GALNT10: variants seen among roughly 807,000 people sequenced by gnomAD.
GALNT10 encodes the protein GalNAc transferase 10.
GALNT10 carries 41 observed loss-of-function variants against 75.0 expected under a neutral mutation model. The observed-to-expected ratio is 0.55, with a 90% CI of 0.43 to 0.71. GALNT10 has a LOEUF of 0.71. Among genes scored for constraint, GALNT10 ranks in the 30% least tolerant of loss-of-function variants. The pLI is 0.00. For synonymous variants in GALNT10, 302 were observed against 313.0 expected, an observed-to-expected ratio of 0.96 and a Z score of 0.37; for missense variants, 727 against 818.5, an observed-to-expected ratio of 0.89 and a Z score of 1.36.
chr5:154,298,090 C>T lies in GALNT10; in HGVS notation c.401+11C>T, dbSNP rs555089718. ...TATCCGGCACCCAAAGTGAGTGTAA[C>T]ATCTCTCAAATTCTGAGATCTAAGG... On this transcript the variant is annotated intron_variant, in intron 3 of 11. Coordinates refer to ENST00000297107, the MANE Select transcript of GALNT10 (RefSeq NM_198321.4). The surrounding 1 kb of genome is among the most constrained non-coding windows in gnomAD (Gnocchi z 4.1). 8 of 1,609,632 alleles carry T rather than the reference C, an allele frequency of 5.0e-6. No individual in the cohort carries two copies. In the African/African-American group the frequency reaches 6.7e-5, roughly 13 times the overall value.
chr5:154,416,994 G>GC lies in GALNT10; in HGVS notation c.*28dup, dbSNP rs753573173. 32 of 1,609,824 alleles carry GC rather than the reference G, an allele frequency of 2.0e-5. No homozygotes were observed. In the African/African-American group the frequency reaches 2.3e-4, roughly 11 times the overall value. Reference sequence around the variant, plus strand: ...CTGAGCCCTCATGTCCCCTTGGCAGGCCCCCCAGGGTCTGGCACTCACTGC... The same window carrying GC: ...CTGAGCCCTCATGTCCCCTTGGCAGGCCCCCCCAGGGTCTGGCACTCACTGC... On this transcript the variant is annotated 3_prime_UTR_variant, in exon 12 of 12. Coordinates refer to ENST00000297107, the MANE Select transcript of GALNT10 (RefSeq NM_198321.4). This position sits in a 1 kb window ranked among gnomAD's most constrained non-coding sequence, Gnocchi z 4.5.
chr5:154,195,997 A>G (rs964667262), intron 1 of GALNT10, among the ~76,000 whole-genome samples: 2 of 151,944 alleles, frequency 1.3e-5, no homozygotes, highest in African/African-American at 2.4e-5. Flanking sequence ...ATCTCGGCCC[A>G]TCGCAACCTC....
chr5:154,373,190 G>A (rs1755601372), intron 4 of GALNT10, among the ~76,000 whole-genome samples: 1 of 152,166 alleles, frequency 6.6e-6, no homozygotes, highest in East Asian at 1.9e-4. Flanking sequence ...AGGCACTTTG[G>A]TGAAGGCAGG....
At position 154,376,827 on chromosome 5, in the gene GALNT10, A is replaced by G. The variant is rs1364721157; in HGVS notation, c.754+365A>G. 6.6e-6 allele frequency among the ~76,000 whole-genome samples: 1 copy of G among 152,170 alleles called. No individual in the cohort carries two copies. The highest frequency in any genetic ancestry group is 1.5e-5 in the Non-Finnish European group (1 of 68,028). On this transcript the variant is annotated intron_variant, in intron 5 of 11. Coordinates refer to ENST00000297107, the MANE Select transcript of GALNT10 (RefSeq NM_198321.4). This position sits in a 1 kb window ranked among gnomAD's most constrained non-coding sequence, Gnocchi z 4.1. The stretch of plus-strand genomic sequence containing the variant: ...AACTGTGGGGGACATCATCATATCA[A>G]CTTAGAAGAGTTACCATAGACTGTG...
At chr5:154,226,678 T>C (rs997800577) in intron 1 of GALNT10, among the ~76,000 whole-genome samples, 2 of 152,244 alleles carry the variant, frequency 1.3e-5, no homozygotes, top group Non-Finnish European at 2.9e-5. Flanking sequence ...TTTACTGCCA[T>C]ATAAATGACA....
Position 154,264,334 on chromosome 5 carries a change from A to ATTTGGGG in GALNT10, c.160-30481_160-30475dup, listed in dbSNP as rs144904125. On this transcript the variant is annotated intron_variant, in intron 1 of 11. Coordinates refer to ENST00000297107, the MANE Select transcript of GALNT10 (RefSeq NM_198321.4). ...TCTCCAAAAAAAAAAAAAAAAAGTG[A>ATTTGGGG]TTTGGGGGACAATGGGAAACCTGAA... 7.0e-4 allele frequency among the ~76,000 whole-genome samples: 101 copies of ATTTGGGG among 144,422 alleles called. 2 individuals carry two copies. In the East Asian group the frequency reaches 0.017, roughly 25 times the overall value. The allele number at this position is 144,422 out of a possible 152,430, so 94.7% of individuals were successfully genotyped here. A position where few individuals can be genotyped will look rare whatever the true frequency, so the allele number is the denominator to read the frequency against.
At chr5:154,405,606 T>C (rs146918156) in intron 8 of GALNT10, among the ~76,000 whole-genome samples, 3 of 152,178 alleles carry the variant, frequency 2.0e-5, no homozygotes, top group African/African-American at 7.2e-5. Context: ...CAAGGGACCA[T>C]GGGGACACTC....
At chr5:154,235,014 T>C (rs934799870) in intron 1 of GALNT10, among the ~76,000 whole-genome samples, 31 of 152,064 alleles carry the variant, frequency 2.0e-4, no homozygotes, top group African/African-American at 7.2e-4. Context: ...AGTCAGAAAA[T>C]AGAGGAAACA....
intron 1 of GALNT10, among the ~76,000 whole-genome samples, chr5:154,258,215 G>A (rs1753645215): frequency 6.6e-6 from 1 of 152,074 alleles, no homozygotes; most frequent in Admixed American, 6.6e-5. Context: ...CTATGTCCAT[G>A]AGCCTTTAGA....
intron 1 of GALNT10, among the ~76,000 whole-genome samples, chr5:154,219,838 T>TCACACACACACA (rs553301418): frequency 8.0e-6 from 1 of 125,556 alleles, no homozygotes; most frequent in East Asian, 2.5e-4. Flanking sequence ...TCTCTCTCTC[T>TCACACACACACA]CACACACACA....
rs371886278 is a variant in GALNT10, at chr5:154,278,059, A to G, written c.160-16757A>G. Among the ~76,000 whole-genome samples, 9 of 152,382 alleles carry G rather than the reference A, an allele frequency of 5.9e-5. No homozygotes were observed. The East Asian group carries it at 9.6e-4, about 16-fold the overall frequency. ...GGATGAATGGATGAATGAGTGGACC[A>G]GATGGGTGACGGATGCTTCAGAAAT... On this transcript the variant is annotated intron_variant, in intron 1 of 11. Transcript: ENST00000297107.
chr5:154,256,776 T>C (rs1753621595), intron 1 of GALNT10, among the ~76,000 whole-genome samples: 1 of 152,158 alleles, frequency 6.6e-6, no homozygotes, highest in Non-Finnish European at 1.5e-5. Flanking sequence ...AGTCCTTCTA[T>C]ACAGGCTTCA....
intron 3 of GALNT10, among the ~76,000 whole-genome samples, chr5:154,299,543 T>C (rs1266525881): frequency 6.6e-6 from 1 of 152,232 alleles, no homozygotes; most frequent in Non-Finnish European, 1.5e-5. Flanking sequence ...TTTCCACCTA[T>C]AAGATCTCAA....
chr5:154,323,919 A>G lies in GALNT10; in HGVS notation c.402-5653A>G, dbSNP rs562296589. 1.3e-4 allele frequency among the ~76,000 whole-genome samples: 20 copies of G among 152,156 alleles called. 1 individual carries two copies. Among genetic ancestry groups the G allele is most frequent in the Non-Finnish European group, 2.6e-4 (18 of 68,032 alleles). On this transcript the variant is annotated intron_variant, in intron 3 of 11. Coordinates refer to ENST00000297107, the MANE Select transcript of GALNT10 (RefSeq NM_198321.4). ...CTGGGAATTCCACCTTCTCCTGGCC[A>G]CCGCCTCTGCCTTGAGCCTCAGCAC... is the stretch of plus-strand genomic sequence containing the variant.
intron 1 of GALNT10, among the ~76,000 whole-genome samples, chr5:154,225,098 G>T (rs535144022): frequency 6.7e-6 from 1 of 148,548 alleles, no homozygotes; most frequent in Admixed American, 6.7e-5. Context: ...GGGTTTTTTT[G>T]TTTGTTTTTT....
At chr5:154,398,090 A>G (rs1007234565) in intron 7 of GALNT10, among the ~76,000 whole-genome samples, 19 of 152,244 alleles carry the variant, frequency 1.2e-4, no homozygotes, top group Non-Finnish European at 1.5e-4. Context: ...TCACAATTAG[A>G]TTTGTACTTG....
intron 1 of GALNT10, among the ~76,000 whole-genome samples, chr5:154,280,234 A>G (rs1345342061): frequency 1.3e-5 from 2 of 152,200 alleles, no homozygotes; most frequent in Non-Finnish European, 2.9e-5. Context: ...AGAGAGTAGA[A>G]TAGTGGTTAC....
rs140569336 is a variant in GALNT10 at position 154,319,244 on chromosome 5, G to T, written c.402-10328G>T. Among the ~76,000 whole-genome samples the T allele has an allele frequency of 1.9e-3, 296 of 152,302 alleles. 1 individual carries two copies. Among genetic ancestry groups the T allele is most frequent in the African/African-American group, 6.7e-3 (278 of 41,564 alleles). On this transcript the variant is annotated intron_variant, in intron 3 of 11. Coordinates refer to ENST00000297107, the MANE Select transcript of GALNT10 (RefSeq NM_198321.4). ...ACACAGAAGAGTCTGTGTGCTTTAT[G>T]CCATGTTGTAAAAACAAATGCACAT...
At chr5:154,224,850 G>A (rs1266257119) in intron 1 of GALNT10, among the ~76,000 whole-genome samples, 3 of 145,850 alleles carry the variant, frequency 2.1e-5, no homozygotes, top group Non-Finnish European at 3.0e-5. Context: ...GCAGGATCTC[G>A]GCTCGCTGCA....
Sources: allele counts gnomAD v4.1 joint callset (sites outside exome capture counted in the v4.1 genomes callset), GRCh38; gene constraint gnomAD v4.1.1; non-coding constraint Gnocchi (gnomAD v3.1); transcripts MANE v1.5; gene names NCBI Gene and HGNC (gene_info 2026-07-23, HGNC 2026-07-21).